Variants in SLC9A2 observed in about 807,000 individuals in gnomAD.
The protein encoded by SLC9A2 is sodium/hydrogen exchanger 2.
In SLC9A2, 42 loss-of-function variants were observed where a neutral mutation model predicts 71.7. The observed-to-expected ratio is 0.59, with a 90% confidence interval of 0.46 to 0.76. The LOEUF is 0.76. Ranked by LOEUF, SLC9A2 falls within the 30% of genes least tolerant of loss-of-function variation. SLC9A2 has a pLI of 0.00. For missense variants in SLC9A2, 829 were observed against 1,017.4 expected (o/e 0.81, Z 2.52); for synonymous variants, 396 against 392.5 (o/e 1.01, Z -0.10).
At position 102,708,188 on chromosome 2, in the gene SLC9A2, G is replaced by A. The variant is rs1363218321; in HGVS notation, c.2138G>A (p.Arg713His). 1.2e-5 allele frequency: 20 copies of A among 1,614,000 alleles called. No individual in the cohort carries two copies. The highest frequency in any genetic ancestry group is 3.3e-5 in the Admixed American group (2 of 59,994). ...CTCAATTTGCAGCCCAGAGCCAGGC[G>A]CTTCTTGCCAGAACAGTTCTCCAAG... ...TVLNLQPRAR[R>H]FLPEQFSKKS... Residue 713 changes from arginine to histidine, a missense_variant, in exon 12 of 12, where the codon CGC (arginine) becomes CAC (histidine). Transcript: ENST00000233969.
At chr2:102,703,542 C>G (rs973574226) in intron 9 of SLC9A2, among the ~76,000 whole-genome samples, 1 of 152,170 alleles carries the variant, frequency 6.6e-6, no homozygotes, top group Non-Finnish European at 1.5e-5. Context: ...GGAGCTTATA[C>G]TGTACCATGT....
intron 1 of SLC9A2, among the ~76,000 whole-genome samples, chr2:102,641,150 G>T (rs924848567): frequency 6.6e-6 from 1 of 152,144 alleles, no homozygotes; most frequent in Admixed American, 6.5e-5. Context: ...GTGCTCTAGT[G>T]GGTGCGACAG....
At chr2:102,651,383 C>G (rs1676831689) in intron 1 of SLC9A2, among the ~76,000 whole-genome samples, 1 of 152,200 alleles carries the variant, frequency 6.6e-6, no homozygotes, top group African/African-American at 2.4e-5. Flanking sequence ...TCATTTCTTA[C>G]CTTGTTCTGC....
chr2:102,628,691 A>G (rs1458256023), intron 1 of SLC9A2, among the ~76,000 whole-genome samples: 1 of 151,946 alleles, frequency 6.6e-6, no homozygotes, highest in East Asian at 1.9e-4. Context: ...CAGTTAATAA[A>G]CTTATGGAGA....
intron 5 of SLC9A2, among the ~76,000 whole-genome samples, chr2:102,690,548 G>C (rs911949621): frequency 2.0e-5 from 3 of 152,128 alleles, no homozygotes; most frequent in Non-Finnish European, 4.4e-5. Context: ...GTACAGGAGA[G>C]GGGGAAACCC....
At chr2:102,643,528 G>A (rs892853734) in intron 1 of SLC9A2, among the ~76,000 whole-genome samples, 3 of 152,106 alleles carry the variant, frequency 2.0e-5, no homozygotes, top group African/African-American at 4.8e-5. Flanking sequence ...CTGGGCTGCC[G>A]GCTTCTTCAG....
chr2:102,645,923 C>T (rs1429028396), intron 1 of SLC9A2, among the ~76,000 whole-genome samples: 2 of 152,080 alleles, frequency 1.3e-5, no homozygotes, highest in Non-Finnish European at 2.9e-5. Context: ...GCAAGACAGG[C>T]CAGCATTCAA....
intron 1 of SLC9A2, among the ~76,000 whole-genome samples, chr2:102,626,436 G>A (rs1676251178): frequency 6.6e-6 from 1 of 152,174 alleles, no homozygotes; most frequent in African/African-American, 2.4e-5. Context: ...ATGGATTAAA[G>A]ACTTAAATGT....
intron 5 of SLC9A2, 39 bp downstream of exon 5, chr2:102,684,375 A>G (rs958436448): frequency 6.4e-7 from 1 of 1,556,366 alleles, no homozygotes; most frequent in East Asian, 2.2e-5. Flanking sequence ...GGTAAAAAAT[A>G]TCGTTCAGAA....
At chr2:102,677,856 G>C (rs1444491557) in intron 3 of SLC9A2, among the ~76,000 whole-genome samples, 1 of 152,126 alleles carries the variant, frequency 6.6e-6, no homozygotes, top group Non-Finnish European at 1.5e-5. Context: ...GTGTCATTGA[G>C]CCCTAACTTC....
intron 2 of SLC9A2, 50 bp from the exon 3 acceptor site, chr2:102,665,050 A>C: frequency 6.4e-7 from 1 of 1,573,200 alleles, no homozygotes; most frequent in Non-Finnish European, 8.6e-7. Context: ...CAGAGTGACA[A>C]TGGGGAAATG....
chr2:102,679,712 A>T (rs560896530), intron 3 of SLC9A2, among the ~76,000 whole-genome samples: 1 of 152,220 alleles, frequency 6.6e-6, no homozygotes, highest in Admixed American at 6.5e-5. Context: ...CTAAATAGAA[A>T]TTGTTAAATT....
intron 1 of SLC9A2, among the ~76,000 whole-genome samples, chr2:102,649,487 A>G (rs972324281): frequency 6.6e-6 from 1 of 152,202 alleles, no homozygotes; most frequent in Non-Finnish European, 1.5e-5. Flanking sequence ...ATCTAATTAA[A>G]CCAAAGAGCT....
Position 102,708,537 on chromosome 2 carries a change from GT to G in SLC9A2, c.*51del. 3.2e-6 allele frequency: 5 copies of G among 1,569,392 alleles called. No individual in the cohort carries two copies. Among genetic ancestry groups the G allele is most frequent in the Non-Finnish European group, 4.3e-6 (5 of 1,158,434 alleles). On this transcript the variant is annotated 3_prime_UTR_variant, in exon 12 of 12. Transcript: ENST00000233969. ...GAGTGTCTGACCCAGGACAGCTGTG[GT>G]TTGTCACTCTGAAACCTGATGCAAC... is the stretch of plus-strand genomic sequence containing the variant.
intron 3 of SLC9A2, among the ~76,000 whole-genome samples, chr2:102,667,078 T>G (rs1248698351): frequency 1.3e-5 from 2 of 152,130 alleles, no homozygotes; most frequent in African/African-American, 4.8e-5. Context: ...GAAGCTGGGG[T>G]CATGACAGCC....
rs369865936 is a variant in SLC9A2, at chr2:102,685,422, G to A, written c.1425+1086G>A. On this transcript the variant is annotated intron_variant, in intron 5 of 11. Transcript: ENST00000233969. ...ATGCAGATCCCTGATATGTTCTCAC[G>A]TCCTTTGTAAAAGGATCATACTGGC... Among the ~76,000 whole-genome samples, 427 of 152,296 alleles carry A rather than the reference G, an allele frequency of 2.8e-3. 10 individuals are homozygous for A. In the Middle Eastern group the frequency reaches 0.034, roughly 12 times the overall value.
chr2:102,656,001 C>T (rs1676932380), intron 1 of SLC9A2, among the ~76,000 whole-genome samples: 1 of 152,248 alleles, frequency 6.6e-6, no homozygotes, highest in Non-Finnish European at 1.5e-5. Context: ...CCCTTAAAGG[C>T]TCCATCCACC....
chr2:102,660,312 C>T (rs1677025682), intron 2 of SLC9A2, among the ~76,000 whole-genome samples: 1 of 152,184 alleles, frequency 6.6e-6, no homozygotes, highest in Admixed American at 6.5e-5. Flanking sequence ...AAGCTCTTAT[C>T]AAGGAATGGC....
chr2:102,695,151 C>T, intron 7 of SLC9A2, 38 bp downstream of exon 7: 1 of 1,411,114 alleles, frequency 7.1e-7, no homozygotes, highest in Non-Finnish European at 1.0e-6. Flanking sequence ...TGAAGTGGCC[C>T]AGGGTCATTC....
Sources: allele counts gnomAD v4.1 joint callset (sites outside exome capture counted in the v4.1 genomes callset), GRCh38; gene constraint gnomAD v4.1.1; transcripts MANE v1.5; gene names NCBI Gene and HGNC (gene_info 2026-07-23, HGNC 2026-07-21).